Variants in GRIN1 observed in about 807,000 individuals in gnomAD.
GRIN1 encodes the protein glutamate ionotropic receptor NMDA type subunit 1.
Under a neutral mutation model 103.0 loss-of-function variants are expected in GRIN1, and 38 were observed. That is an observed-to-expected ratio of 0.37 (90% CI 0.28 to 0.48). The LOEUF (loss-of-function observed/expected upper bound fraction) is 0.48. Ranked by LOEUF, GRIN1 falls within the 20% of genes least tolerant of loss-of-function variation. The probability of loss-of-function intolerance (pLI) is 0.98; values close to 1 mark genes in which losing one functional copy is unlikely to be tolerated. For missense variants in GRIN1, 577 were observed against 1,288.9 expected (o/e 0.45, Z 8.46); for synonymous variants, 544 against 532.7 (o/e 1.02, Z -0.29).
At chr9:137,166,182 C>T (rs1256479001) in intron 19 of GRIN1, among the ~76,000 whole-genome samples, 2 of 152,202 alleles carry the variant, frequency 1.3e-5, no homozygotes, top group Non-Finnish European at 2.9e-5. Context: ...GCTCCTGACC[C>T]CAGCAACCCC....
chr9:137,144,394 C>T (rs183275757), intron 2 of GRIN1, among the ~76,000 whole-genome samples: 81 of 150,044 alleles, frequency 5.4e-4, no homozygotes, highest in South Asian at 8.5e-4. Flanking sequence ...GTGGCTCACG[C>T]CTGTAATCCC....
chr9:137,167,923 A>AGCCCACCCGCCCCAGAGACT lies in GRIN1; in HGVS notation c.*405_*424dup. On this transcript the variant is annotated 3_prime_UTR_variant, in exon 20 of 20. Coordinates refer to ENST00000371561, the MANE Select transcript of GRIN1 (RefSeq NM_007327.4). ...CTGCTGCTCGGGAAGGCCTGAGGGA[A>AGCCCACCCGCCCCAGAGACT]GCCCACCCGCCCCAGAGACTGCCCA... 3.8e-6 allele frequency: 5 copies of AGCCCACCCGCCCCAGAGACT among 1,300,844 alleles called. No homozygotes were observed. The South Asian group carries it at 6.1e-5, about 16-fold the overall frequency. 80.6% of individuals were successfully genotyped at this position (1,300,844 alleles called of 1,614,324 possible).
intron 2 of GRIN1, among the ~76,000 whole-genome samples, chr9:137,144,482 A>G (rs59839176): frequency 0.035 from 5,291 of 151,912 alleles, 125 homozygotes; most frequent in African/African-American, 0.062. Flanking sequence ...GTGAAACCCC[A>G]TCTCCACTAA....
chr9:137,153,002 T>C (rs1361799140), intron 4 of GRIN1, among the ~76,000 whole-genome samples: 2 of 151,186 alleles, frequency 1.3e-5, no homozygotes, highest in Non-Finnish European at 1.5e-5. Flanking sequence ...ACACCACTCA[T>C]ACATCTCTAC....
intron 3 of GRIN1, among the ~76,000 whole-genome samples, chr9:137,147,065 C>T (rs1254083830): frequency 1.3e-5 from 2 of 150,550 alleles, no homozygotes; most frequent in Non-Finnish European, 3.0e-5. Flanking sequence ...CGACAGGCCC[C>T]TCACCCCAGC....
chr9:137,156,149 G>C (rs1425750838), intron 4 of GRIN1, among the ~76,000 whole-genome samples: 1 of 152,212 alleles, frequency 6.6e-6, no homozygotes, highest in Non-Finnish European at 1.5e-5. Flanking sequence ...TATTGTGAAA[G>C]TTAAACAACA....
rs566559804 is a variant in GRIN1 at position 137,159,821 on chromosome 9, C to T, written c.1197+1117C>T. 8.5e-4 allele frequency among the ~76,000 whole-genome samples: 130 copies of T among 152,298 alleles called. 1 individual carries two copies. The Middle Eastern group carries it at 0.01, about 12-fold the overall frequency. ...ATGCTGCCTGGAGGCTGAGGGTGGG[C>T]GGGCCTGCCCCCCTCTCAGGCTCAC... On this transcript the variant is annotated intron_variant, in intron 8 of 19. Transcript: ENST00000371561.
In GRIN1 at chr9:137,167,091, C is replaced by T. The variant is rs1168114024; in HGVS notation, c.2701-320C>T. Among the ~76,000 whole-genome samples, 3 of 152,178 alleles carry T rather than the reference C, an allele frequency of 2.0e-5. No individual in the cohort carries two copies. In the South Asian group the frequency reaches 6.2e-4, roughly 32 times the overall value. On this transcript the variant is annotated intron_variant, in intron 19 of 19. Coordinates refer to ENST00000371561, the MANE Select transcript of GRIN1 (RefSeq NM_007327.4). ...GCCTCTCTGGGCACCAGGGACCGTCCTCTGGGGCCAGTTCTGGCATCACGT... is the reference window on the plus strand; with the variant it reads ...GCCTCTCTGGGCACCAGGGACCGTCTTCTGGGGCCAGTTCTGGCATCACGT...
intron 4 of GRIN1, among the ~76,000 whole-genome samples, chr9:137,150,372 G>C (rs1306914230): frequency 6.9e-6 from 1 of 145,724 alleles, no homozygotes; most frequent in Non-Finnish European, 1.5e-5. Context: ...AAAAAGACCT[G>C]CCCAGGGAAA....
rs79570612 is a variant in GRIN1 at position 137,163,241 on chromosome 9, G to T, written c.2244G>T (p.Thr748=). 6.2e-7 allele frequency: 1 copy of T among 1,613,722 alleles called. No homozygotes were observed. The highest frequency in any genetic ancestry group is 8.5e-7 in the Non-Finnish European group (1 of 1,179,938). The change falls in exon 16 of 20, where the codon ACG becomes ACT. Residue 748 remains threonine (T), a synonymous_variant. Transcript: ENST00000371561. ...CCTCGCAGAAGTGCGACCTGGTGAC[G>T]ACTGGAGAGCTGTTTTTCCGCTCGG... The part of the protein sequence containing the change: ...FEASQKCDLV[T]TGELFFRSGF...
chr9:137,151,257 C>T (rs1232605711), intron 4 of GRIN1, among the ~76,000 whole-genome samples: 1 of 147,850 alleles, frequency 6.8e-6, no homozygotes, highest in Non-Finnish European at 1.5e-5. Context: ...AAGACCAGCC[C>T]AGGGAAAGCC....
In GRIN1 at chr9:137,168,655, C is replaced by G. The variant is rs1023582952; in HGVS notation, c.*1128C>G. 2.6e-6 allele frequency: 1 copy of G among 379,218 alleles called. No individual in the cohort carries two copies. The highest frequency in any genetic ancestry group is 4.8e-5 in the Admixed American group (1 of 20,788). The allele number at this position is 379,218 out of a possible 1,614,324, so 23.5% of individuals were successfully genotyped here. A position where few individuals can be genotyped will look rare whatever the true frequency, so the allele number is the denominator to read the frequency against. Reference sequence around the variant, plus strand: ...GCGTGCCTTCCCCGTGCGGCCCGTGCGCAGCCGCGCTCTGCCCCTCCGTCC... The same window carrying G: ...GCGTGCCTTCCCCGTGCGGCCCGTGGGCAGCCGCGCTCTGCCCCTCCGTCC... On this transcript the variant is annotated 3_prime_UTR_variant, in exon 20 of 20. Transcript: ENST00000371561.
chr9:137,154,116 T>C (rs1006765742), intron 4 of GRIN1, among the ~76,000 whole-genome samples: 3 of 148,028 alleles, frequency 2.0e-5, no homozygotes, highest in East Asian at 2.0e-4. Flanking sequence ...CTGCCTTTTT[T>C]TTTTTCTTTT....
intron 14 of GRIN1, 40 bp from the exon 15 acceptor site, chr9:137,162,806 G>A: frequency 6.2e-7 from 1 of 1,607,852 alleles, no homozygotes; most frequent in Non-Finnish European, 8.5e-7. Context: ...TTAGGGGCCT[G>A]GGGAGCCGCC....
chr9:137,166,499 G>C (rs1479348552), intron 19 of GRIN1, among the ~76,000 whole-genome samples: 2 of 152,244 alleles, frequency 1.3e-5, no homozygotes, highest in South Asian at 4.1e-4. Context: ...GAGGAAGTGC[G>C]ATTTGCAGCC....
rs933234320 is a variant in GRIN1, at chr9:137,167,770, G to A, written c.*243G>A. ...CGCCTTGTCTGTGTATTTCTATTTT[G>A]CAGCAGTACCATCCCACTGATATCA... On this transcript the variant is annotated 3_prime_UTR_variant, in exon 20 of 20. Transcript: ENST00000371561. 6.2e-7 allele frequency: 1 copy of A among 1,611,976 alleles called. No homozygotes were observed. Among genetic ancestry groups the A allele is most frequent in the Non-Finnish European group, 8.5e-7 (1 of 1,179,466 alleles).
rs1265418561 is a variant in GRIN1, at chr9:137,139,951, C to T, written c.258+207C>T. ...CCCTATCTTGGCCTGAGACCAGTCA[C>T]CTGCCACCTTGGCTGGTCCTCAGAG... On this transcript the variant is annotated intron_variant, in intron 1 of 19. Coordinates refer to ENST00000371561, the MANE Select transcript of GRIN1 (RefSeq NM_007327.4). The surrounding 1 kb of genome is among the most constrained non-coding windows in gnomAD (Gnocchi z 7.7). 6.6e-6 allele frequency among the ~76,000 whole-genome samples: 1 copy of T among 152,220 alleles called. No homozygotes were observed. The highest frequency in any genetic ancestry group is 1.5e-5 in the Non-Finnish European group (1 of 68,040).
intron 8 of GRIN1, 115 bp from the exon 9 acceptor site, chr9:137,160,941 A>G (rs1312769122): frequency 1.2e-5 from 15 of 1,296,116 alleles, no homozygotes; most frequent in Non-Finnish European, 1.6e-5. Context: ...GGGGGGTGTG[A>G]GGGGTGCGTC....
At chr9:137,141,681 C>A (rs1024101915) in intron 1 of GRIN1, among the ~76,000 whole-genome samples, 8 of 152,166 alleles carry the variant, frequency 5.3e-5, no homozygotes, top group Non-Finnish European at 8.8e-5. Flanking sequence ...GATGCAGGAC[C>A]AGCCATCCTC....
Sources: gnomAD v4.1 joint callset for allele counts (sites outside exome capture counted in the v4.1 genomes callset) on GRCh38, gnomAD v4.1.1 for gene constraint, Gnocchi (gnomAD v3.1) non-coding constraint, MANE v1.5 for transcripts, NCBI Gene and HGNC (gene_info 2026-07-23, HGNC 2026-07-21) for gene names.